ATL1: variants seen among roughly 807,000 people sequenced by gnomAD.
ATL1 encodes the protein atlastin-1.
ATL1 carries 31 observed loss-of-function variants against 75.5 expected under a neutral mutation model. The ratio of observed to expected loss-of-function variants is 0.41; its 90% confidence interval spans 0.31 to 0.55. ATL1 has a LOEUF of 0.55. Ranked by LOEUF, ATL1 falls within the 20% of genes least tolerant of loss-of-function variation. The pLI is 0.27. For synonymous variants in ATL1, 226 were observed against 233.3 expected, an observed-to-expected ratio of 0.97 and a Z score of 0.28; for missense variants, 405 against 662.6, an observed-to-expected ratio of 0.61 and a Z score of 4.27.
intron 1 of ATL1, among the ~76,000 whole-genome samples, chr14:50,537,752 T>C (rs1338175848): frequency 2.0e-5 from 3 of 152,258 alleles, no homozygotes; most frequent in Non-Finnish European, 4.4e-5. Flanking sequence ...ATTTCAGACT[T>C]GCAGGGGGCC....
chr14:50,537,391 C>G (rs1321322956), intron 1 of ATL1, among the ~76,000 whole-genome samples: 2 of 152,238 alleles, frequency 1.3e-5, no homozygotes, highest in Admixed American at 6.5e-5. Flanking sequence ...GTAGTGCCCT[C>G]ACGGAGAACC....
chr14:50,567,583 A>G (rs1174716352), intron 1 of ATL1, among the ~76,000 whole-genome samples: 2 of 152,196 alleles, frequency 1.3e-5, no homozygotes, highest in Non-Finnish European at 1.5e-5. Context: ...TCTCATCAAC[A>G]GTGCACACAG....
chr14:50,628,698 T>C, intron 12 of ATL1: 2 of 670,082 alleles, frequency 3.0e-6, no homozygotes, highest in Non-Finnish European at 5.6e-6. Context: ...ATACATCAGT[T>C]TAGTAGTATA....
At chr14:50,618,246 A>G (rs145485568) in intron 8 of ATL1, among the ~76,000 whole-genome samples, 1 of 152,342 alleles carries the variant, frequency 6.6e-6, no homozygotes, top group East Asian at 1.9e-4. Context: ...GTAAAATCAT[A>G]TAGCAAAAAA....
At chr14:50,576,048 T>C (rs2039003190) in intron 1 of ATL1, among the ~76,000 whole-genome samples, 2 of 152,202 alleles carry the variant, frequency 1.3e-5, no homozygotes, top group African/African-American at 4.8e-5. Context: ...AATTTTACAA[T>C]GGTTTGAAAG....
At chr14:50,630,127 C>A in intron 13 of ATL1, 118 bp downstream of exon 13, 1 of 640,152 alleles carries the variant, frequency 1.6e-6, no homozygotes, top group Non-Finnish European at 2.5e-6. Context: ...TCTTTGGTGA[C>A]TTCTAACATT....
intron 1 of ATL1, among the ~76,000 whole-genome samples, chr14:50,580,548 T>C (rs1374504433): frequency 6.6e-6 from 1 of 152,182 alleles, no homozygotes; most frequent in Admixed American, 6.5e-5. Flanking sequence ...TAACCTTGAA[T>C]TCCTATAATA....
At chr14:50,594,627 A>G (rs1313596214) in intron 5 of ATL1, among the ~76,000 whole-genome samples, 1 of 152,164 alleles carries the variant, frequency 6.6e-6, no homozygotes, top group African/African-American at 2.4e-5. Flanking sequence ...AGTTCCCAGG[A>G]CTAAGGAGCA....
intron 6 of ATL1, among the ~76,000 whole-genome samples, chr14:50,613,053 C>A (rs11850192): frequency 0.012 from 1,785 of 152,138 alleles, 34 homozygotes; most frequent in African/African-American, 0.041. Context: ...ACACAGCCTT[C>A]TGTTCACATT....
chr14:50,598,064 A>G (rs1277740748), intron 6 of ATL1, among the ~76,000 whole-genome samples: 1 of 152,212 alleles, frequency 6.6e-6, no homozygotes, highest in African/African-American at 2.4e-5. Context: ...ACCATTCACA[A>G]TAGCAAAACA....
chr14:50,543,271 T>C (rs964621690), intron 1 of ATL1, among the ~76,000 whole-genome samples: 2 of 152,254 alleles, frequency 1.3e-5, no homozygotes, highest in Non-Finnish European at 2.9e-5. Flanking sequence ...GCAGAGGCCA[T>C]TGCAGAGATC....
At chr14:50,591,155 T>G in intron 3 of ATL1, 80 bp downstream of exon 3, 1 of 1,418,466 alleles carries the variant, frequency 7.0e-7, no homozygotes, top group Non-Finnish European at 9.8e-7. Flanking sequence ...AAGTTGCACT[T>G]TTGAAAATTA....
intron 8 of ATL1, among the ~76,000 whole-genome samples, chr14:50,618,192 T>G (rs1452935635): frequency 2.0e-5 from 3 of 152,220 alleles, no homozygotes; most frequent in African/African-American, 4.8e-5. Context: ...GAAGAATTCA[T>G]ACATTCTAGG....
At chr14:50,597,228 A>AAAAAG (rs1399625850) in intron 6 of ATL1, among the ~76,000 whole-genome samples, 3 of 149,948 alleles carry the variant, frequency 2.0e-5, no homozygotes, top group East Asian at 1.9e-4. Context: ...AACAAAAAAA[A>AAAAAG]AAAAAGAAAA....
chr14:50,579,595 G>A (rs1435889076), intron 1 of ATL1, among the ~76,000 whole-genome samples: 1 of 152,156 alleles, frequency 6.6e-6, no homozygotes, highest in African/African-American at 2.4e-5. Context: ...TTGATCAATG[G>A]GAAGCATCGA....
At chr14:50,617,000 G>C (rs2140229242) in intron 8 of ATL1, among the ~76,000 whole-genome samples, 1 of 152,286 alleles carries the variant, frequency 6.6e-6, no homozygotes, top group Middle Eastern at 3.4e-3. Flanking sequence ...CTCTAGTGAA[G>C]AAAAGTCTCC....
At chr14:50,630,964 A>C (rs1247997202) in intron 13 of ATL1, 1 of 455,494 alleles carries the variant, frequency 2.2e-6, no homozygotes. Flanking sequence ...ACGTAATGCC[A>C]TAAGAAAATC....
At chr14:50,612,797 C>G (rs888573157) in intron 6 of ATL1, among the ~76,000 whole-genome samples, 1 of 152,078 alleles carries the variant, frequency 6.6e-6, no homozygotes, top group Non-Finnish European at 1.5e-5. Flanking sequence ...ACTCTGCTAT[C>G]TAGTTTGAAC....
chr14:50,631,246 T>A, intron 13 of ATL1, among the ~76,000 whole-genome samples: 1 of 147,298 alleles, frequency 6.8e-6, no homozygotes. Flanking sequence ...AGCGAGAGAG[T>A]GAGATTCCAA....
Sources: gnomAD v4.1 joint callset for allele counts (sites outside exome capture counted in the v4.1 genomes callset) on GRCh38, gnomAD v4.1.1 for gene constraint, MANE v1.5 for transcripts, NCBI Gene and HGNC (gene_info 2026-07-23, HGNC 2026-07-21) for gene names.